Variants in MYH11 observed in about 807,000 individuals in gnomAD.
MYH11 encodes the protein myosin-11.
Under a neutral mutation model 246.6 loss-of-function variants are expected in MYH11, and 80 were observed. That is an observed-to-expected ratio of 0.32 (90% confidence interval 0.27 to 0.39). MYH11 has a LOEUF of 0.39. MYH11 is among the 10% of genes least tolerant of loss of function. The pLI is 1.00. For synonymous variants in MYH11, 1,071 were observed against 1,015.5 expected (o/e 1.05, Z -1.04); for missense variants, 2,158 against 2,546.8 (o/e 0.85, Z 3.29).
chr16:15,845,461 C>G (rs2044162745), intron 1 of MYH11, among the ~76,000 whole-genome samples: 1 of 152,164 alleles, frequency 6.6e-6, no homozygotes, highest in African/African-American at 2.4e-5. Flanking sequence ...TTTCTCACTT[C>G]CGGTGACTCT....
chr16:15,805,344 A>C (rs966217132), intron 3 of MYH11, among the ~76,000 whole-genome samples: 1 of 152,100 alleles, frequency 6.6e-6, no homozygotes, highest in Non-Finnish European at 1.5e-5. Flanking sequence ...GGTTCTCTCC[A>C]TTTTAGTAAT....
intron 28 of MYH11, chr16:15,725,891 A>G: frequency 2.6e-6 from 1 of 390,724 alleles, no homozygotes; most frequent in Non-Finnish European, 4.5e-6. Flanking sequence ...CATACATGTA[A>G]TAGGTTCTCA....
intron 1 of MYH11, among the ~76,000 whole-genome samples, chr16:15,841,335 G>A (rs189461553): frequency 6.6e-6 from 1 of 152,054 alleles, no homozygotes; most frequent in Non-Finnish European, 1.5e-5. Context: ...ACGGGGCTTC[G>A]CCAAGTTGGC....
intron 1 of MYH11, among the ~76,000 whole-genome samples, chr16:15,842,994 A>G (rs1387655372): frequency 6.6e-6 from 1 of 152,164 alleles, no homozygotes; most frequent in Non-Finnish European, 1.5e-5. Flanking sequence ...CCTATCTTAA[A>G]AAAGACTCCC....
At chr16:15,813,417 CAT>C (rs1232562847) in intron 3 of MYH11, among the ~76,000 whole-genome samples, 1 of 152,010 alleles carries the variant, frequency 6.6e-6, no homozygotes, top group Non-Finnish European at 1.5e-5. Context: ...TTTTTTATGA[CAT>C]ATGCCTGCAC....
chr16:15,760,133 T>C (rs995492260), intron 11 of MYH11, among the ~76,000 whole-genome samples: 2 of 151,960 alleles, frequency 1.3e-5, no homozygotes, highest in South Asian at 4.2e-4. Flanking sequence ...AAACCTGACA[T>C]GGGACTGTGA....
At chr16:15,856,219 GT>G (rs34789214) in intron 1 of MYH11, among the ~76,000 whole-genome samples, 1,025 of 96,924 alleles carry the variant, frequency 0.011, 6 homozygotes, top group Middle Eastern at 0.046. Flanking sequence ...TGGGTGAGTT[GT>G]TTTTTTTTTT....
At chr16:15,724,539 G>A in intron 30 of MYH11, 108 bp downstream of exon 30, 2 of 1,606,704 alleles carry the variant, frequency 1.2e-6, no homozygotes, top group Non-Finnish European at 1.7e-6. Flanking sequence ...GGAAGCTGGG[G>A]GGTCAAGCAC....
intron 3 of MYH11, among the ~76,000 whole-genome samples, chr16:15,802,016 G>C (rs559419843): frequency 6.6e-6 from 1 of 152,200 alleles, no homozygotes; most frequent in African/African-American, 2.4e-5. Context: ...ATTGAGAAAA[G>C]GGACAGGAGG....
At chr16:15,719,177 C>A (rs767000748) in intron 36 of MYH11, 43 bp downstream of exon 36, 4 of 1,576,704 alleles carry the variant, frequency 2.5e-6, no homozygotes, top group Non-Finnish European at 3.5e-6. Flanking sequence ...CCTGTCCCCC[C>A]ATCCTCTGCT....
chr16:15,855,115 C>T (rs1481028561), intron 1 of MYH11, among the ~76,000 whole-genome samples: 1 of 152,146 alleles, frequency 6.6e-6, no homozygotes, highest in Non-Finnish European at 1.5e-5. Context: ...AAATCCATAA[C>T]AGATACCTTG....
chr16:15,719,623 C>G lies in MYH11; in HGVS notation c.5044G>C (p.Ala1682Pro), dbSNP rs749715052. Residue 1682 changes from alanine to proline, a missense_variant, in exon 35 of 41, where the codon GCC becomes CCC. Ala to Pro is a conservative substitution (Grantham distance 27). Transcript: ENST00000300036. The part of the protein sequence containing the change: ...FATAKENEKK[A>P]KSLEADLMQL... ...ATGAGGTCTGCTTCCAAGCTCTTGG[C>G]TTTCTTCTCATTCTCTTTGGCTGTG... is the stretch of plus-strand genomic sequence containing the variant. 1 of 1,614,178 alleles carries G rather than the reference C, an allele frequency of 6.2e-7. No individual in the cohort carries two copies. The highest frequency in any genetic ancestry group is 1.1e-5 in the South Asian group (1 of 91,078).
intron 1 of MYH11, among the ~76,000 whole-genome samples, chr16:15,851,973 G>A (rs1363446986): frequency 6.6e-6 from 1 of 152,070 alleles, no homozygotes; most frequent in Non-Finnish European, 1.5e-5. Flanking sequence ...CTATGTCAGG[G>A]GTCCCCAACC....
intron 15 of MYH11, among the ~76,000 whole-genome samples, chr16:15,751,578 T>C (rs1281499413): frequency 6.6e-6 from 1 of 151,430 alleles, no homozygotes; most frequent in Non-Finnish European, 1.5e-5. Context: ...GCACCATTTC[T>C]TCACCTTCTA....
At chr16:15,783,793 C>T (rs1282684105) in intron 5 of MYH11, among the ~76,000 whole-genome samples, 2 of 151,970 alleles carry the variant, frequency 1.3e-5, no homozygotes, top group South Asian at 2.1e-4. Context: ...TGGTTCAAAC[C>T]CTCAATTTTA....
At chr16:15,786,858 A>G in intron 4 of MYH11, 126 bp from the exon 5 acceptor site, 1 of 935,180 alleles carries the variant, frequency 1.1e-6, no homozygotes, top group African/African-American at 1.6e-5. Flanking sequence ...AGGCTCCCAG[A>G]GGGGAAGTAA....
At chr16:15,752,538 G>A (rs2041599991) in intron 15 of MYH11, among the ~76,000 whole-genome samples, 1 of 152,116 alleles carries the variant, frequency 6.6e-6, no homozygotes, top group African/African-American at 2.4e-5. Flanking sequence ...CCCCAGACCT[G>A]CAGAATTAGA....
intron 24 of MYH11, among the ~76,000 whole-genome samples, chr16:15,738,066 G>C (rs144872313): frequency 2.7e-3 from 410 of 152,204 alleles, no homozygotes; most frequent in African/African-American, 7.6e-3. Context: ...GATTACAGGC[G>C]AGAGCCACCG....
At chr16:15,811,735 T>G (rs937031852) in intron 3 of MYH11, among the ~76,000 whole-genome samples, 7 of 152,112 alleles carry the variant, frequency 4.6e-5, no homozygotes, top group African/African-American at 7.2e-5. Flanking sequence ...GAAAGTCGTT[T>G]GGATCACTCC....
Sources: gnomAD v4.1 joint callset for allele counts (sites outside exome capture counted in the v4.1 genomes callset) on GRCh38, gnomAD v4.1.1 for gene constraint, MANE v1.5 for transcripts, NCBI Gene and HGNC (gene_info 2026-07-23, HGNC 2026-07-21) for gene names.